Variants in RASAL2 observed in about 807,000 individuals in gnomAD.
RASAL2 encodes the protein ras GTPase-activating protein nGAP.
A neutral mutation model predicts 128.9 loss-of-function variants in RASAL2; 58 were observed. The ratio of observed to expected loss-of-function variants is 0.45; its 90% CI spans 0.36 to 0.56. The LOEUF is 0.56. Among genes scored for constraint, RASAL2 ranks in the 20% least tolerant of loss-of-function variants. RASAL2 has a pLI of 0.00. For synonymous variants in RASAL2, 561 were observed against 580.8 expected, an observed-to-expected ratio of 0.97 and a Z score of 0.49; for missense variants, 1,360 against 1,601.6, an observed-to-expected ratio of 0.85 and a Z score of 2.57.
intron 1 of RASAL2, among the ~76,000 whole-genome samples, chr1:178,113,519 T>A (rs1280700875): frequency 3.2e-5 from 3 of 94,576 alleles, no homozygotes; most frequent in Non-Finnish European, 4.6e-5. Context: ...CGAGTGTGTG[T>A]GTGTGTGTGT....
chr1:178,274,279 C>T (rs1037579040), intron 1 of RASAL2, among the ~76,000 whole-genome samples: 1 of 152,110 alleles, frequency 6.6e-6, no homozygotes, highest in Non-Finnish European at 1.5e-5. Flanking sequence ...CACTCTTTTT[C>T]ACCCTCTCCA....
chr1:178,466,183 C>T, intron 16 of RASAL2, 61 bp downstream of exon 16: 1 of 1,459,504 alleles, frequency 6.9e-7, no homozygotes, highest in Non-Finnish European at 9.1e-7. Context: ...TGAGATGATC[C>T]ACAGAACCCT....
At chr1:178,330,880 C>T (rs1314337697) in intron 3 of RASAL2, among the ~76,000 whole-genome samples, 1 of 152,130 alleles carries the variant, frequency 6.6e-6, no homozygotes, top group East Asian at 1.9e-4. Flanking sequence ...CCCCGGAATA[C>T]TGTTTTTATT....
At chr1:178,440,736 T>C (rs1557991179) in intron 6 of RASAL2, among the ~76,000 whole-genome samples, 3 of 152,146 alleles carry the variant, frequency 2.0e-5, no homozygotes, top group African/African-American at 7.2e-5. Flanking sequence ...ATATTTCATT[T>C]TTAAAGGACT....
chr1:178,254,524 C>T (rs1665226247), intron 1 of RASAL2, among the ~76,000 whole-genome samples: 1 of 151,996 alleles, frequency 6.6e-6, no homozygotes, highest in Non-Finnish European at 1.5e-5. Flanking sequence ...GAAGAAAAAC[C>T]TACAAAAGTT....
At chr1:178,123,714 C>G (rs1659792764) in intron 1 of RASAL2, 1 of 152,144 alleles carries the variant, frequency 6.6e-6, no homozygotes, top group African/African-American at 2.4e-5. Context: ...TTTTCTGTCA[C>G]CCAGGCGGAA....
intron 1 of RASAL2, among the ~76,000 whole-genome samples, chr1:178,188,592 C>T (rs529090573): frequency 6.6e-6 from 1 of 152,068 alleles, no homozygotes. Flanking sequence ...AAAAGTCTGC[C>T]ACTAAAGGAA....
chr1:178,268,938 G>GT (rs1250914099), intron 1 of RASAL2, among the ~76,000 whole-genome samples: 4 of 152,048 alleles, frequency 2.6e-5, no homozygotes, highest in Admixed American at 6.5e-5. Flanking sequence ...TGGAGCACCT[G>GT]TTTTTTTAAA....
At chr1:178,183,951 A>C (rs2101934357) in intron 1 of RASAL2, among the ~76,000 whole-genome samples, 1 of 152,278 alleles carries the variant, frequency 6.6e-6, no homozygotes, top group South Asian at 2.1e-4. Context: ...GTTGCTCTGT[A>C]TCCTCACCAG....
intron 3 of RASAL2, among the ~76,000 whole-genome samples, chr1:178,374,947 G>A (rs952060435): frequency 3.3e-5 from 5 of 152,110 alleles, no homozygotes; most frequent in Non-Finnish European, 7.4e-5. Context: ...GCTTGTGAGA[G>A]GCATAGTGTT....
chr1:178,466,069 G>A lies in RASAL2; in HGVS notation c.3537G>A (p.Arg1179=). 1.3e-6 allele frequency: 2 copies of A among 1,581,606 alleles called. No homozygotes were observed. The highest frequency in any genetic ancestry group is 1.7e-6 in the Non-Finnish European group (2 of 1,162,302). Reference sequence around the variant, plus strand: ...CCCGACTGGAGGACAGCGAGGAGCGGCTCCGAAGACAGCAGGAAGAAAAAG... The same window carrying A: ...CCCGACTGGAGGACAGCGAGGAGCGACTCCGAAGACAGCAGGAAGAAAAAG... ...YKARLEDSEE[R]LRRQQEEKDS... The change falls in exon 16 of 18, where the codon CGG becomes CGA. Residue 1179 remains arginine, a synonymous_variant. Transcript: ENST00000367649.
At chr1:178,416,751 G>T (rs1408639508) in intron 4 of RASAL2, among the ~76,000 whole-genome samples, 1 of 151,832 alleles carries the variant, frequency 6.6e-6, no homozygotes, top group African/African-American at 2.4e-5. Flanking sequence ...TAGGTTGGTA[G>T]TTTGGGTTCT....
At chr1:178,414,066 G>A (rs1277801543) in intron 4 of RASAL2, among the ~76,000 whole-genome samples, 4 of 152,208 alleles carry the variant, frequency 2.6e-5, no homozygotes, top group Non-Finnish European at 4.4e-5. Flanking sequence ...TAAAAAGGCT[G>A]CAGTATGATT....
chr1:178,197,772 C>T (rs537412551), intron 1 of RASAL2, among the ~76,000 whole-genome samples: 1 of 152,238 alleles, frequency 6.6e-6, no homozygotes, highest in East Asian at 1.9e-4. Context: ...CATGTGTATA[C>T]ATGTGCCATT....
chr1:178,260,555 G>A (rs928884751), intron 1 of RASAL2, among the ~76,000 whole-genome samples: 11 of 149,444 alleles, frequency 7.4e-5, no homozygotes, highest in African/African-American at 2.5e-4. Flanking sequence ...TAGGTGAATC[G>A]TTCATACAAA....
intron 9 of RASAL2, among the ~76,000 whole-genome samples, chr1:178,448,429 G>A (rs1237767181): frequency 6.6e-6 from 1 of 152,166 alleles, no homozygotes; most frequent in Admixed American, 6.5e-5. Context: ...ACATGAAGCA[G>A]ACACATTATA....
intron 1 of RASAL2, among the ~76,000 whole-genome samples, chr1:178,181,254 A>G (rs368517344): frequency 6.6e-6 from 1 of 152,126 alleles, no homozygotes; most frequent in African/African-American, 2.4e-5. Context: ...TTCACACCCA[A>G]TTTCCCTATT....
At chr1:178,103,358 C>G (rs1658975599) in intron 1 of RASAL2, among the ~76,000 whole-genome samples, 1 of 152,014 alleles carries the variant, frequency 6.6e-6, no homozygotes. Flanking sequence ...TGAGTATAAG[C>G]CATTTTGCTT....
chr1:178,325,261 A>G (rs1668983310), intron 3 of RASAL2, among the ~76,000 whole-genome samples: 1 of 152,224 alleles, frequency 6.6e-6, no homozygotes, highest in Non-Finnish European at 1.5e-5. Flanking sequence ...CTAGAACATG[A>G]ATTCACAGGA....
Sources: gnomAD v4.1 joint callset for allele counts (sites outside exome capture counted in the v4.1 genomes callset) on GRCh38, gnomAD v4.1.1 for gene constraint, MANE v1.5 for transcripts, NCBI Gene and HGNC (gene_info 2026-07-23, HGNC 2026-07-21) for gene names.